Variants in DMXL2 observed in about 807,000 individuals in gnomAD.
DMXL2 encodes dmX-like protein 2.
A neutral mutation model predicts 331.1 loss-of-function variants in DMXL2; 103 were observed. The observed-to-expected ratio is 0.31, with a 90% CI of 0.27 to 0.37. DMXL2 has a LOEUF of 0.37. Among genes scored for constraint, DMXL2 ranks in the 10% least tolerant of loss-of-function variants. DMXL2 has a pLI of 1.00. For missense variants in DMXL2, 3,171 were observed against 3,642.9 expected, an observed-to-expected ratio of 0.87 and a Z score of 3.33; for synonymous variants, 1,281 against 1,252.1, an observed-to-expected ratio of 1.02 and a Z score of -0.49.
At chr15:51,579,300 T>C (rs1686407501) in intron 1 of DMXL2, among the ~76,000 whole-genome samples, 1 of 152,302 alleles carries the variant, frequency 6.6e-6, no homozygotes, top group Non-Finnish European at 1.5e-5. Context: ...CTTAAACTAT[T>C]GCACACTAAC....
intron 13 of DMXL2, among the ~76,000 whole-genome samples, chr15:51,521,455 AGTAGTAG>A (rs2047369649): frequency 6.8e-6 from 1 of 147,024 alleles, no homozygotes; most frequent in Non-Finnish European, 1.5e-5. Context: ...TAGTAGTAGT[AGTAGTAG>A]TGGTAGTGGT....
In DMXL2 at chr15:51,610,012, A is replaced by G. The variant is rs139543110; in HGVS notation, c.87+12447T>C. Among the ~76,000 whole-genome samples the G allele has an allele frequency of 3.9e-3, 599 of 152,316 alleles. 4 individuals carry two copies. Among genetic ancestry groups the G allele is most frequent in the African/African-American group, 0.014 (583 of 41,572 alleles). ...CGACGATGAAATTGCCTAGCAATAT[A>G]TTGAATGCATCTTCATTGTTAATCA... is the stretch of plus-strand genomic sequence containing the variant. On this transcript the variant is annotated intron_variant, in intron 1 of 43. Coordinates refer to ENST00000560891, the MANE Select transcript of DMXL2 (RefSeq NM_001378457.1).
intron 14 of DMXL2, among the ~76,000 whole-genome samples, chr15:51,515,165 C>G (rs1037856279): frequency 3.3e-5 from 5 of 152,134 alleles, no homozygotes; most frequent in Non-Finnish European, 7.4e-5. Context: ...GATGAAACAT[C>G]ACTGTCAACT....
intron 19 of DMXL2, among the ~76,000 whole-genome samples, chr15:51,493,068 T>C (rs1012304817): frequency 6.6e-6 from 1 of 152,142 alleles, no homozygotes; most frequent in African/African-American, 2.4e-5. Context: ...ACAAAATTAA[T>C]GCAACATGTC....
At chr15:51,570,493 A>G (rs1458369643) in intron 2 of DMXL2, among the ~76,000 whole-genome samples, 1 of 152,188 alleles carries the variant, frequency 6.6e-6, no homozygotes, top group Admixed American at 6.5e-5. Flanking sequence ...CATAATCATC[A>G]GATTAACCAA....
Position 51,576,183 on chromosome 15 carries a change from T to TAAAAAATAAAAAAAAAAAAA in DMXL2, c.88-3_88-2insTTTTTTTTTTTTTATTTTTT. 1 of 626,284 alleles carries TAAAAAATAAAAAAAAAAAAA rather than the reference T, an allele frequency of 1.6e-6. No individual in the cohort carries two copies. 38.8% of individuals were successfully genotyped at this position (626,284 alleles called of 1,614,324 possible). ...AATATCACAGCCTGATCCATATGCCTAAAAAAAAAAAAAAAAAAAAGTTTT... is the reference window on the plus strand; with the variant it reads ...AATATCACAGCCTGATCCATATGCCTAAAAAATAAAAAAAAAAAAAAAAAAAAAAAAAAAAAAAAAGTTTT... On this transcript the variant is annotated splice_region_variant and splice_polypyrimidine_tract_variant and intron_variant, in intron 1 of 43. Transcript: ENST00000560891.
At chr15:51,464,964 A>G in intron 31 of DMXL2, 88 bp from the exon 32 acceptor site, 3 of 1,151,788 alleles carry the variant, frequency 2.6e-6, no homozygotes, top group Non-Finnish European at 2.5e-6. Flanking sequence ...CTCAGAGATA[A>G]TACTTCTGAA....
chr15:51,559,584 G>C (rs2049821514), intron 6 of DMXL2, among the ~76,000 whole-genome samples: 1 of 152,086 alleles, frequency 6.6e-6, no homozygotes, highest in African/African-American at 2.4e-5. Context: ...AGCCAGCCAT[G>C]GTGGTGCATG....
chr15:51,545,697 T>C lies in DMXL2; in HGVS notation c.816A>G (p.Leu272=). Reference sequence around the variant, plus strand: ...CACCCAAAAGACAGTCTTCTGGTAATAAAGTTTCTGCCCAGAGCCGGCACA... The same window carrying C: ...CACCCAAAAGACAGTCTTCTGGTAACAAAGTTTCTGCCCAGAGCCGGCACA... ...DGVCRLWAET[L]LPEDCLLGEQ... The change falls in exon 8 of 44, where the codon TTA becomes TTG. Residue 272 remains leucine (L), a synonymous_variant. Coordinates refer to ENST00000560891, the MANE Select transcript of DMXL2 (RefSeq NM_001378457.1). 1 of 1,613,680 alleles carries C rather than the reference T, an allele frequency of 6.2e-7. No homozygotes were observed. The highest frequency in any genetic ancestry group is 2.2e-5 in the East Asian group (1 of 44,870).
At chr15:51,458,462 A>T in intron 36 of DMXL2, 44 bp downstream of exon 36, 1 of 1,594,030 alleles carries the variant, frequency 6.3e-7, no homozygotes. Flanking sequence ...TTTGGTGGGT[A>T]CTTCTTACAG....
At position 51,608,036 on chromosome 15, in the gene DMXL2, T is replaced by C. The variant is rs149617875; in HGVS notation, c.87+14423A>G. ...CCCTTCTCTCCTAAAAATACAAAAA[T>C]TAGCCAGATGTGGTGGTGCGCACCT... On this transcript the variant is annotated intron_variant, in intron 1 of 43. Transcript: ENST00000560891. 1.9e-4 allele frequency among the ~76,000 whole-genome samples: 29 copies of C among 151,868 alleles called. No individual in the cohort carries two copies. In the East Asian group the frequency reaches 5.0e-3, roughly 26 times the overall value.
intron 19 of DMXL2, 31 bp downstream of exon 19, chr15:51,494,993 T>G (rs1243261392): frequency 1.3e-6 from 2 of 1,516,896 alleles, no homozygotes; most frequent in Non-Finnish European, 1.8e-6. Context: ...AAGTAAAAGT[T>G]GTGCAAAGCT....
intron 11 of DMXL2, 137 bp downstream of exon 11, chr15:51,537,351 G>A: frequency 2.6e-6 from 2 of 768,266 alleles, no homozygotes; most frequent in Non-Finnish European, 4.0e-6. Context: ...CCTTCTGAAA[G>A]AAAGAAGTAT....
At position 51,481,307 on chromosome 15, in the gene DMXL2, A is replaced by G. The variant is rs763349182; in HGVS notation, c.5799T>C (p.Asp1933=). The part of the protein sequence containing the change: ...QPDFISHRMD[D]VPSHSKALSD... ...TCAGAGCTTTTGAATGTGAAGGTAC[A>G]TCATCCATCCTGTGAGAAATGAAGT... The change falls in exon 24 of 44, where the codon GAT becomes GAC. Residue 1933 remains aspartate (D), a synonymous_variant. Coordinates refer to ENST00000560891, the MANE Select transcript of DMXL2 (RefSeq NM_001378457.1). 1 of 1,614,182 alleles carries G rather than the reference A, an allele frequency of 6.2e-7. No homozygotes were observed. The highest frequency in any genetic ancestry group is 2.2e-5 in the East Asian group (1 of 44,878).
Position 51,471,302 on chromosome 15 carries a change from G to A in DMXL2, c.7313C>T (p.Pro2438Leu), listed in dbSNP as rs372032462. 61 of 1,613,886 alleles carry A rather than the reference G, an allele frequency of 3.8e-5. No homozygotes were observed. Among genetic ancestry groups the A allele is most frequent in the African/African-American group, 1.5e-4 (11 of 74,890 alleles). ...GRPVKDATPP[P>L]VPAERPSYKE... is the part of the protein sequence containing the mutation. ...GTAAGATGGTCTTTCTGCAGGCACC[G>A]GTGGTGGGGTAGCATCTTTTACAGG... is the stretch of plus-strand genomic sequence containing the variant. Residue 2438 changes from proline to leucine, a missense_variant, in exon 29 of 44, where the codon CCG (proline) becomes CTG (leucine). Pro to Leu is a moderately conservative substitution (Grantham distance 98). Transcript: ENST00000560891.
At chr15:51,522,698 T>A (rs1203660897) in intron 13 of DMXL2, among the ~76,000 whole-genome samples, 1 of 152,050 alleles carries the variant, frequency 6.6e-6, no homozygotes, top group African/African-American at 2.4e-5. Context: ...AACTTAGGAA[T>A]CTAAAACCAA....
chr15:51,478,606 G>A (rs1595947883), intron 25 of DMXL2, among the ~76,000 whole-genome samples: 2 of 152,118 alleles, frequency 1.3e-5, no homozygotes, highest in South Asian at 2.1e-4. Flanking sequence ...ACGAGGCCCT[G>A]AGCAAAGTGC....
At chr15:51,522,661 A>T (rs2140746783) in intron 13 of DMXL2, among the ~76,000 whole-genome samples, 1 of 152,286 alleles carries the variant, frequency 6.6e-6, no homozygotes, top group African/African-American at 2.4e-5. Context: ...ATAAAAACAT[A>T]AAATAAATAA....
In DMXL2 at chr15:51,499,088, A is replaced by C; in HGVS notation, c.4136T>G (p.Val1379Gly). The change falls in exon 18 of 44, where the codon GTA (valine) becomes GGA (glycine). Residue 1379 changes from valine (V) to glycine (G), a missense_variant. Val to Gly is a moderately radical substitution (Grantham distance 109). Around this residue, in one of 7 missense-constraint regions of DMXL2, gnomAD observed 1,674 missense variants for 1,780.2 expected, o/e 0.94. Coordinates refer to ENST00000560891, the MANE Select transcript of DMXL2 (RefSeq NM_001378457.1). ...SHLVKCIAGE[V>G]AIVRDPDAGE... is the part of the protein sequence containing the mutation. ...AGCATCAGGATCTCTAACTATTGCT[A>C]CTTCACCTGCAATACATTTTACTAA... 1 of 1,613,966 alleles carries C rather than the reference A, an allele frequency of 6.2e-7. No homozygotes were observed. The highest frequency in any genetic ancestry group is 8.5e-7 in the Non-Finnish European group (1 of 1,179,962).
Sources: gnomAD v4.1 joint callset for allele counts (sites outside exome capture counted in the v4.1 genomes callset) on GRCh38, gnomAD v4.1.1 for gene constraint, gnomAD v4.1.1 regional missense constraint, MANE v1.5 for transcripts, NCBI Gene and HGNC (gene_info 2026-07-23, HGNC 2026-07-21) for gene names.